Variants in GRM1 observed in about 807,000 individuals in gnomAD.
GRM1 encodes glutamate metabotropic receptor 1.
A neutral mutation model predicts 90.9 loss-of-function variants in GRM1; 33 were observed. That is an observed-to-expected ratio of 0.36 (90% CI 0.28 to 0.49). GRM1 has a LOEUF of 0.49. Ranked by LOEUF, GRM1 falls within the 20% of genes least tolerant of loss-of-function variation. The pLI is 0.99. For synonymous variants in GRM1, 700 were observed against 613.2 expected, an observed-to-expected ratio of 1.14 and a Z score of -2.09; for missense variants, 1,190 against 1,534.3, an observed-to-expected ratio of 0.78 and a Z score of 3.75.
chr6:146,346,301 A>G (rs1785188609), intron 3 of GRM1, among the ~76,000 whole-genome samples: 1 of 152,160 alleles, frequency 6.6e-6, no homozygotes, highest in Non-Finnish European at 1.5e-5. Flanking sequence ...TTGTTTGCAC[A>G]TGTAAAGCCC....
intron 3 of GRM1, among the ~76,000 whole-genome samples, chr6:146,328,731 C>A (rs1209313437): frequency 6.6e-6 from 1 of 152,084 alleles, no homozygotes; most frequent in Non-Finnish European, 1.5e-5. Context: ...GTATTTCTTT[C>A]TGTTCTTTTG....
chr6:146,029,919 G>A lies in GRM1; in HGVS notation c.402G>A (p.Lys134=). The change falls in exon 1 of 8, where the codon AAG becomes AAA. Residue 134 remains lysine (K), a synonymous_variant. Transcript: ENST00000282753. ...CTCTGATTTCCATTCGAGATGAGAA[G>A]GATGGGATCAACCGGTGTCTGCCTG... ...RDSLISIRDE[K]DGINRCLPDG... 6.2e-7 allele frequency: 1 copy of A among 1,614,188 alleles called. No individual in the cohort carries two copies. Among genetic ancestry groups the A allele is most frequent in the Non-Finnish European group, 8.5e-7 (1 of 1,180,024 alleles).
At chr6:146,358,274 A>G (rs1785666185) in intron 5 of GRM1, among the ~76,000 whole-genome samples, 1 of 152,160 alleles carries the variant, frequency 6.6e-6, no homozygotes. Flanking sequence ...ACATCAGTAT[A>G]TATAGAAAAT....
chr6:146,366,456 T>TA, intron 5 of GRM1, among the ~76,000 whole-genome samples: 1 of 152,148 alleles, frequency 6.6e-6, no homozygotes, highest in African/African-American at 2.4e-5. Context: ...TATCTAACTG[T>TA]ATTTTTATAC....
At chr6:146,076,448 G>T (rs1055912560) in intron 1 of GRM1, among the ~76,000 whole-genome samples, 2 of 152,180 alleles carry the variant, frequency 1.3e-5, no homozygotes, top group Non-Finnish European at 2.9e-5. Context: ...GGTCAGGGTG[G>T]TGGCAGTAGA....
intron 3 of GRM1, among the ~76,000 whole-genome samples, chr6:146,330,490 C>T (rs1206723630): frequency 6.6e-6 from 1 of 152,070 alleles, no homozygotes; most frequent in African/African-American, 2.4e-5. Context: ...ATAACAAACT[C>T]CTACATGTTA....
At chr6:146,337,006 T>C (rs1297850760) in intron 3 of GRM1, among the ~76,000 whole-genome samples, 1 of 152,222 alleles carries the variant, frequency 6.6e-6, no homozygotes, top group Admixed American at 6.5e-5. Context: ...GGTTTTTCGC[T>C]TTCTTGCTGA....
At chr6:146,197,258 T>G (rs1001043884) in intron 2 of GRM1, among the ~76,000 whole-genome samples, 1 of 152,166 alleles carries the variant, frequency 6.6e-6, no homozygotes, top group Non-Finnish European at 1.5e-5. Context: ...TCTGTATTGG[T>G]CTTATTGAAA....
intron 2 of GRM1, among the ~76,000 whole-genome samples, chr6:146,186,874 G>A (rs1290811311): frequency 6.6e-6 from 1 of 152,176 alleles, no homozygotes; most frequent in African/African-American, 2.4e-5. Flanking sequence ...TAACTCAACT[G>A]TCTAAGAAGG....
At chr6:146,156,412 G>GA (rs1164124177) in intron 1 of GRM1, among the ~76,000 whole-genome samples, 6 of 151,972 alleles carry the variant, frequency 3.9e-5, no homozygotes, top group Non-Finnish European at 7.4e-5. Flanking sequence ...CGGCTCAAAA[G>GA]AAAAAAAGAA....
At chr6:146,248,888 A>G (rs1198524327) in intron 2 of GRM1, among the ~76,000 whole-genome samples, 4 of 152,180 alleles carry the variant, frequency 2.6e-5, no homozygotes, top group Non-Finnish European at 4.4e-5. Flanking sequence ...CTTATTGGGA[A>G]CTAGAGCAAA....
intron 7 of GRM1, among the ~76,000 whole-genome samples, chr6:146,410,722 C>A (rs530212156): frequency 6.6e-6 from 1 of 151,950 alleles, no homozygotes. Flanking sequence ...GTGCAGAGAG[C>A]GTATTCTAGG....
intron 1 of GRM1, among the ~76,000 whole-genome samples, chr6:146,056,164 T>A (rs1225059558): frequency 6.6e-6 from 1 of 152,138 alleles, no homozygotes. Context: ...TTAGCTATTT[T>A]AAAAAGTTTA....
chr6:146,253,905 T>A (rs1299506320), intron 2 of GRM1, among the ~76,000 whole-genome samples: 1 of 152,186 alleles, frequency 6.6e-6, no homozygotes, highest in African/African-American at 2.4e-5. Context: ...ACCTGTGAGA[T>A]AATCTTTGGC....
intron 7 of GRM1, among the ~76,000 whole-genome samples, chr6:146,403,409 T>C (rs1167312733): frequency 1.3e-5 from 2 of 152,134 alleles, no homozygotes; most frequent in Non-Finnish European, 2.9e-5. Flanking sequence ...TAAAAACAAT[T>C]ACAACCTTTC....
chr6:146,197,020 A>C (rs563101181), intron 2 of GRM1, among the ~76,000 whole-genome samples: 1 of 152,240 alleles, frequency 6.6e-6, no homozygotes, highest in Non-Finnish European at 1.5e-5. Flanking sequence ...GTTGTCTAAT[A>C]ATAGAAAATG....
chr6:146,072,238 G>C (rs1562444620), intron 1 of GRM1, among the ~76,000 whole-genome samples: 2 of 152,068 alleles, frequency 1.3e-5, no homozygotes, highest in African/African-American at 4.8e-5. Flanking sequence ...CTTTTCCTTT[G>C]CTTTCCTTCT....
chr6:146,314,291 A>C (rs1025363195), intron 3 of GRM1, among the ~76,000 whole-genome samples: 1 of 150,344 alleles, frequency 6.7e-6, no homozygotes, highest in Non-Finnish European at 1.5e-5. Flanking sequence ...GGCTAGGCTG[A>C]TCTCGAACTC....
chr6:146,334,821 C>CTGG (rs1012252625), intron 3 of GRM1, among the ~76,000 whole-genome samples: 2 of 152,054 alleles, frequency 1.3e-5, no homozygotes, highest in Non-Finnish European at 2.9e-5. Context: ...CCTTATTTCC[C>CTGG]ACTAATAAAT....
Sources: allele counts gnomAD v4.1 joint callset (sites outside exome capture counted in the v4.1 genomes callset), GRCh38; gene constraint gnomAD v4.1.1; transcripts MANE v1.5; gene names NCBI Gene and HGNC (gene_info 2026-07-23, HGNC 2026-07-21).